Variants in PITPNB observed in about 807,000 individuals in gnomAD.
PITPNB encodes phosphatidylinositol transfer protein beta.
A neutral mutation model predicts 45.9 loss-of-function variants in PITPNB; 16 were observed. The observed-to-expected ratio is 0.35, with a 90% CI of 0.24 to 0.53. PITPNB has a LOEUF of 0.53. Ranked by LOEUF, PITPNB falls within the 20% of genes least tolerant of loss-of-function variation. The pLI, the probability that PITPNB is intolerant of heterozygous loss-of-function variation, is 0.93. For missense variants in PITPNB, 188 were observed against 330.5 expected, an observed-to-expected ratio of 0.57 and a Z score of 3.34; for synonymous variants, 112 against 108.9, an observed-to-expected ratio of 1.03 and a Z score of -0.18.
At position 27,894,554 on chromosome 22, in the gene PITPNB, C is replaced by G; in HGVS notation, c.456+1G>C. On this transcript the variant is annotated splice_donor_variant, in intron 7 of 11. Coordinates refer to ENST00000335272, the MANE Select transcript of PITPNB (RefSeq NM_012399.5). LOFTEE classifies it high-confidence loss of function. ...ATTAAATGTCATTGAGTAATACTTA[C>G]TGCTGGTTCAACTTGACTTCTATCT... is the stretch of plus-strand genomic sequence containing the variant. 1 of 1,477,346 alleles carries G rather than the reference C, an allele frequency of 6.8e-7. No homozygotes were observed. Among genetic ancestry groups the G allele is most frequent in the Non-Finnish European group, 9.5e-7 (1 of 1,056,492 alleles). The allele number at this position is 1,477,346 out of a possible 1,614,324, so 91.5% of individuals were successfully genotyped here.
chr22:27,865,856 A>C (rs889025990), intron 8 of PITPNB, among the ~76,000 whole-genome samples: 1 of 152,188 alleles, frequency 6.6e-6, no homozygotes, highest in Non-Finnish European at 1.5e-5. Flanking sequence ...ACCTAAAATA[A>C]AAGTTTTAAA....
chr22:27,873,890 C>T (rs557410058), intron 7 of PITPNB, 75 bp from the exon 8 acceptor site: 23 of 911,408 alleles, frequency 2.5e-5, no homozygotes, highest in Admixed American at 5.3e-5. Flanking sequence ...AATAGCTCTT[C>T]GCAGCTACCA....
At chr22:27,884,470 TATCA>T in intron 7 of PITPNB, among the ~76,000 whole-genome samples, 1 of 152,348 alleles carries the variant, frequency 6.6e-6, no homozygotes, top group Middle Eastern at 3.4e-3. Context: ...GGAAGTTCCC[TATCA>T]ATCAGGGCAT....
At chr22:27,866,126 GAACA>G (rs1278773316) in intron 8 of PITPNB, among the ~76,000 whole-genome samples, 1 of 152,146 alleles carries the variant, frequency 6.6e-6, no homozygotes, top group African/African-American at 2.4e-5. Context: ...ATTACAAAGA[GAACA>G]ATCAAAAGTT....
At chr22:27,897,740 C>T in intron 4 of PITPNB, 61 bp downstream of exon 4, 1 of 1,076,094 alleles carries the variant, frequency 9.3e-7, no homozygotes, top group Non-Finnish European at 1.5e-6. Context: ...GACACTGGTA[C>T]TGGGAATCCC....
rs977136005 is a variant in PITPNB, at chr22:27,853,087, C to T, written c.*615G>A. On this transcript the variant is annotated 3_prime_UTR_variant, in exon 12 of 12. Coordinates refer to ENST00000335272, the MANE Select transcript of PITPNB (RefSeq NM_012399.5). The stretch of plus-strand genomic sequence containing the variant: ...ATCCAGAAATAAATAGTTATAAATA[C>T]ATTCAGAGTTTACATCCCAGATTCA... 6.6e-6 allele frequency: 1 copy of T among 152,422 alleles called. No individual in the cohort carries two copies. Among genetic ancestry groups the T allele is most frequent in the Non-Finnish European group, 1.5e-5 (1 of 68,068 alleles). The allele number at this position is 152,422 out of a possible 1,614,324, so 9.4% of individuals were successfully genotyped here.
chr22:27,853,490 G>T lies in PITPNB; in HGVS notation c.*212C>A. 1.3e-6 allele frequency: 1 copy of T among 742,468 alleles called. No homozygotes were observed. The highest frequency in any genetic ancestry group is 2.4e-6 in the Non-Finnish European group (1 of 423,526). 46.0% of individuals were successfully genotyped at this position (742,468 alleles called of 1,614,324 possible). ...TAGCTCTACATGCGCTTTATATACA[G>T]CTACAGACATATGCACACATACATA... On this transcript the variant is annotated 3_prime_UTR_variant, in exon 12 of 12. Coordinates refer to ENST00000335272, the MANE Select transcript of PITPNB (RefSeq NM_012399.5).
intron 7 of PITPNB, among the ~76,000 whole-genome samples, chr22:27,879,938 T>TA (rs1381965801): frequency 6.6e-6 from 1 of 152,156 alleles, no homozygotes; most frequent in Non-Finnish European, 1.5e-5. Context: ...AGTTAACAAA[T>TA]ATTCAACATG....
intron 8 of PITPNB, 114 bp downstream of exon 8, chr22:27,873,624 A>G (rs113180284): frequency 3.9e-5 from 27 of 686,472 alleles, no homozygotes; most frequent in African/African-American, 2.3e-4. Flanking sequence ...AAATAAAACT[A>G]TTTTTGTGCC....
At chr22:27,868,328 C>T (rs1934544144) in intron 8 of PITPNB, among the ~76,000 whole-genome samples, 2 of 152,198 alleles carry the variant, frequency 1.3e-5, no homozygotes, top group Admixed American at 6.5e-5. Context: ...TGAATTTCAA[C>T]TTCTCCCTCA....
rs1256939512 is a variant in PITPNB, at chr22:27,852,889, C to T, written c.*813G>A. ...TATTATAAATCAGAAACCGTCATCT[C>T]CATTTTTGCTAGGTTTGATGTAGAA... On this transcript the variant is annotated 3_prime_UTR_variant, in exon 12 of 12. Transcript: ENST00000335272. 1 of 152,592 alleles carries T rather than the reference C, an allele frequency of 6.6e-6. No homozygotes were observed. Among genetic ancestry groups the T allele is most frequent in the Non-Finnish European group, 1.5e-5 (1 of 68,032 alleles). 9.5% of individuals were successfully genotyped at this position (152,592 alleles called of 1,614,324 possible).
At chr22:27,891,121 G>A (rs989670432) in intron 7 of PITPNB, among the ~76,000 whole-genome samples, 1 of 152,170 alleles carries the variant, frequency 6.6e-6, no homozygotes, top group Non-Finnish European at 1.5e-5. Context: ...TGTCCTCTTG[G>A]GGTGATGAAA....
chr22:27,919,219 C>G lies in PITPNB; in HGVS notation c.-28G>C. The G allele has an allele frequency of 6.3e-7, 1 of 1,593,988 alleles. No homozygotes were observed. Among genetic ancestry groups the G allele is most frequent in the Non-Finnish European group, 8.6e-7 (1 of 1,163,328 alleles). On this transcript the variant is annotated 5_prime_UTR_variant, in exon 1 of 12. Coordinates refer to ENST00000335272, the MANE Select transcript of PITPNB (RefSeq NM_012399.5). ...TCCCGGAACCCCCTCACAGCTGCCG[C>G]CGATACCACCGCCGCCGCCGCCGCT...
intron 8 of PITPNB, among the ~76,000 whole-genome samples, chr22:27,863,370 G>C (rs1322106273): frequency 6.6e-6 from 1 of 152,142 alleles, no homozygotes; most frequent in Non-Finnish European, 1.5e-5. Flanking sequence ...AGGGCTGTAG[G>C]TGGTAAACAT....
intron 1 of PITPNB, among the ~76,000 whole-genome samples, chr22:27,916,680 G>A (rs1200240491): frequency 6.6e-6 from 1 of 152,080 alleles, no homozygotes; most frequent in African/African-American, 2.4e-5. Context: ...GCGTGCGCCT[G>A]TAGTCCCAGC....
chr22:27,903,361 C>T (rs1935658592), intron 3 of PITPNB, among the ~76,000 whole-genome samples: 3 of 150,308 alleles, frequency 2.0e-5, no homozygotes, highest in African/African-American at 7.4e-5. Flanking sequence ...ACCAGCTACT[C>T]GGGAGGTTGA....
chr22:27,872,581 T>C (rs1934701359), intron 8 of PITPNB, among the ~76,000 whole-genome samples: 1 of 152,226 alleles, frequency 6.6e-6, no homozygotes, highest in Admixed American at 6.5e-5. Context: ...TTTTAGTTGA[T>C]GCACAAGACA....
At chr22:27,879,812 T>TG (rs900461845) in intron 7 of PITPNB, among the ~76,000 whole-genome samples, 2 of 152,210 alleles carry the variant, frequency 1.3e-5, no homozygotes, top group African/African-American at 4.8e-5. Flanking sequence ...TAAACTGAAA[T>TG]GGGGGAAAAC....
At chr22:27,890,415 C>G (rs1192142547) in intron 7 of PITPNB, among the ~76,000 whole-genome samples, 1 of 151,844 alleles carries the variant, frequency 6.6e-6, no homozygotes, top group Non-Finnish European at 1.5e-5. Flanking sequence ...CTTTAATTAT[C>G]CCCCAAGACA....
Sources: gnomAD v4.1 joint callset for allele counts (sites outside exome capture counted in the v4.1 genomes callset) on GRCh38, gnomAD v4.1.1 for gene constraint, MANE v1.5 for transcripts, NCBI Gene and HGNC (gene_info 2026-07-23, HGNC 2026-07-21) for gene names.